AP3S2: variants seen among roughly 807,000 people sequenced by gnomAD.
AP3S2 encodes adaptor related protein complex 3 subunit sigma 2.
A neutral mutation model predicts 23.4 loss-of-function variants in AP3S2; 22 were observed. The observed-to-expected ratio is 0.94, with a 90% CI of 0.67 to 1.34. The LOEUF is 1.34. Among genes scored for constraint, AP3S2 ranks in the 40% most tolerant of loss-of-function variants. The probability of loss-of-function intolerance (pLI) is 0.00; values close to 1 mark genes in which losing one functional copy is unlikely to be tolerated. For synonymous variants in AP3S2, 86 were observed against 87.1 expected (o/e 0.99, Z 0.07); for missense variants, 241 against 236.9 (o/e 1.02, Z -0.11).
intron 3 of AP3S2, chr15:89,876,905 G>T: frequency 5.2e-6 from 1 of 190,822 alleles, no homozygotes; most frequent in South Asian, 9.1e-5. Context: ...CAGCTCAAAT[G>T]GGAGCCCTGC....
intron 3 of AP3S2, among the ~76,000 whole-genome samples, chr15:89,884,355 T>A (rs1257801262): frequency 6.6e-6 from 1 of 152,036 alleles, no homozygotes; most frequent in African/African-American, 2.4e-5. Context: ...TAGTATGCAG[T>A]TTTCCTGCTA....
intron 5 of AP3S2, among the ~76,000 whole-genome samples, chr15:89,837,295 G>T (rs1895217156): frequency 6.6e-6 from 1 of 152,156 alleles, no homozygotes; most frequent in Non-Finnish European, 1.5e-5. Context: ...TCCAGGGAAC[G>T]AGTGGCTTTC....
At position 89,893,975 on chromosome 15, in the gene AP3S2, A is replaced by C. The variant is rs1596228095; in HGVS notation, c.-26T>G. 1.3e-6 allele frequency: 2 copies of C among 1,549,942 alleles called. No individual in the cohort carries two copies. Among genetic ancestry groups the C allele is most frequent in the Non-Finnish European group, 1.7e-6 (2 of 1,146,512 alleles). ...CTTTGCCAGCCACGGTTCTCTCAGC[A>C]CCGGCTACTCCCAGAAAGCTCCTCC... is the stretch of plus-strand genomic sequence containing the variant. On this transcript the variant is annotated 5_prime_UTR_variant, in exon 1 of 6. Coordinates refer to ENST00000336418, the MANE Select transcript of AP3S2 (RefSeq NM_005829.5).
At chr15:89,859,672 G>A (rs190297916) in intron 4 of AP3S2, among the ~76,000 whole-genome samples, 4 of 151,660 alleles carry the variant, frequency 2.6e-5, no homozygotes, top group Non-Finnish European at 5.9e-5. Context: ...TAAGATTACA[G>A]GCTCGAGCCA....
intron 4 of AP3S2, among the ~76,000 whole-genome samples, chr15:89,842,406 C>G (rs1596187733): frequency 6.6e-6 from 1 of 152,290 alleles, no homozygotes; most frequent in African/African-American, 2.4e-5. Context: ...CACACTGTAT[C>G]CCAGGGGAAA....
intron 4 of AP3S2, among the ~76,000 whole-genome samples, chr15:89,858,389 C>A (rs147696805): frequency 6.6e-6 from 1 of 150,556 alleles, no homozygotes; most frequent in African/African-American, 2.4e-5. Flanking sequence ...TGCAGTGAGC[C>A]GAGATCACGT....
At chr15:89,871,640 A>C in intron 3 of AP3S2, 94 bp from the exon 4 acceptor site, 2 of 1,278,964 alleles carry the variant, frequency 1.6e-6, no homozygotes, top group Non-Finnish European at 2.2e-6. Flanking sequence ...GGCTGTCACA[A>C]TACTATTTAC....
chr15:89,891,048 T>C (rs2141905759), intron 1 of AP3S2, among the ~76,000 whole-genome samples: 1 of 152,334 alleles, frequency 6.6e-6, no homozygotes, highest in African/African-American at 2.4e-5. Flanking sequence ...ATCAGCACTT[T>C]TTAAAACTGA....
At chr15:89,861,151 C>T (rs964557124) in intron 4 of AP3S2, among the ~76,000 whole-genome samples, 1 of 152,168 alleles carries the variant, frequency 6.6e-6, no homozygotes, top group South Asian at 2.1e-4. Flanking sequence ...TTAGTGCTCA[C>T]GAGTTAATTT....
At chr15:89,893,756 G>A in intron 1 of AP3S2, 125 bp downstream of exon 1, 2 of 894,814 alleles carry the variant, frequency 2.2e-6, no homozygotes, top group Non-Finnish European at 3.4e-6. Context: ...GTAGGGCGAG[G>A]GTCATGCTCG....
At chr15:89,878,039 C>A (rs1009521401) in intron 3 of AP3S2, among the ~76,000 whole-genome samples, 1 of 152,152 alleles carries the variant, frequency 6.6e-6, no homozygotes, top group African/African-American at 2.4e-5. Flanking sequence ...AAATCTCATA[C>A]ATGCATTTTT....
At chr15:89,846,777 C>T (rs888134936) in intron 4 of AP3S2, among the ~76,000 whole-genome samples, 9 of 152,200 alleles carry the variant, frequency 5.9e-5, no homozygotes, top group Non-Finnish European at 8.8e-5. Flanking sequence ...CCGCCTGCCT[C>T]GGCCTCCCAA....
Position 89,871,555 on chromosome 15 carries a change from C to T in AP3S2, c.274-9G>A. On this transcript the variant is annotated splice_polypyrimidine_tract_variant and intron_variant, in intron 3 of 5. Transcript: ENST00000336418. ...AGAGTTTCCACAAAAACCTAGAAAA[C>T]AAGGAGAAATAGATAAAGAAGAGAA... 1.9e-6 allele frequency: 3 copies of T among 1,612,230 alleles called. No individual in the cohort carries two copies. Among genetic ancestry groups the T allele is most frequent in the Non-Finnish European group, 2.5e-6 (3 of 1,179,456 alleles).
intron 4 of AP3S2, among the ~76,000 whole-genome samples, chr15:89,863,729 C>G (rs1332839072): frequency 6.6e-6 from 1 of 152,158 alleles, no homozygotes; most frequent in East Asian, 1.9e-4. Flanking sequence ...GGGCATCTAT[C>G]CATGACTATC....
chr15:89,849,577 C>T (rs577678324), intron 4 of AP3S2, among the ~76,000 whole-genome samples: 3 of 151,946 alleles, frequency 2.0e-5, no homozygotes, highest in Non-Finnish European at 4.4e-5. Context: ...CTATGTTAGC[C>T]AGGATGGTCT....
intron 4 of AP3S2, among the ~76,000 whole-genome samples, chr15:89,864,120 T>TA (rs1015426922): frequency 3.9e-5 from 6 of 152,112 alleles, no homozygotes; most frequent in Admixed American, 2.6e-4. Flanking sequence ...TCATAAACTG[T>TA]AAAAAAAATT....
chr15:89,850,067 C>G (rs1481321473), intron 4 of AP3S2, among the ~76,000 whole-genome samples: 1 of 152,162 alleles, frequency 6.6e-6, no homozygotes, highest in Non-Finnish European at 1.5e-5. Flanking sequence ...TGCTAAGATT[C>G]CTTCAGGAAC....
intron 4 of AP3S2, among the ~76,000 whole-genome samples, chr15:89,858,511 G>GAA (rs1895911827): frequency 1.8e-5 from 1 of 55,622 alleles, no homozygotes; most frequent in African/African-American, 5.2e-5. Flanking sequence ...GAGAGAGAGA[G>GAA]AGAGAGAGAG....
chr15:89,836,898 C>T (rs760884668), intron 5 of AP3S2, among the ~76,000 whole-genome samples: 19 of 152,264 alleles, frequency 1.2e-4, no homozygotes, highest in Middle Eastern at 3.4e-3. Context: ...GATCAAGTTC[C>T]GTATACAAGG....
Sources: gnomAD v4.1 joint callset for allele counts (sites outside exome capture counted in the v4.1 genomes callset) on GRCh38, gnomAD v4.1.1 for gene constraint, MANE v1.5 for transcripts, NCBI Gene and HGNC (gene_info 2026-07-23, HGNC 2026-07-21) for gene names.